SMTNL2: variants seen among roughly 807,000 people sequenced by gnomAD.
SMTNL2 encodes the protein smoothelin-like protein 2.
A neutral mutation model predicts 44.1 loss-of-function variants in SMTNL2; 43 were observed. The observed-to-expected ratio is 0.98, with a 90% CI of 0.76 to 1.26. SMTNL2 has a LOEUF of 1.26. Ranked by LOEUF, SMTNL2 falls within the 50% of genes most tolerant of loss-of-function variation. SMTNL2 has a pLI of 0.00. For missense variants in SMTNL2, 646 were observed against 670.2 expected, an observed-to-expected ratio of 0.96 and a Z score of 0.40; for synonymous variants, 317 against 287.6, an observed-to-expected ratio of 1.10 and a Z score of -1.03.
At chr17:4,588,209 C>T (rs900755400) in intron 1 of SMTNL2, among the ~76,000 whole-genome samples, 6 of 152,240 alleles carry the variant, frequency 3.9e-5, no homozygotes, top group Middle Eastern at 3.2e-3. Flanking sequence ...GCGTGGGTCT[C>T]GTCCCCATGG....
intron 7 of SMTNL2, among the ~76,000 whole-genome samples, chr17:4,606,373 C>T (rs1264103538): frequency 3.3e-5 from 5 of 151,740 alleles, no homozygotes; most frequent in African/African-American, 9.7e-5. Context: ...CCGCCTGCCT[C>T]GGCCTCCCAA....
In SMTNL2 at chr17:4,597,081, C is replaced by T. The variant is rs1263770578; in HGVS notation, c.1108-91C>T. ...CCGCCTGGGCAGGAGCCCGCTGAGG[C>T]TGGGGTTAAGGGGTAGGAACCACGG... On this transcript the variant is annotated intron_variant, in intron 6 of 7. Transcript: ENST00000389313. The T allele has an allele frequency of 7.8e-6, 12 of 1,529,374 alleles. No homozygotes were observed. In the East Asian group the frequency reaches 2.3e-4, roughly 30 times the overall value. The allele number at this position is 1,529,374 out of a possible 1,614,324, so 94.7% of individuals were successfully genotyped here.
At chr17:4,587,535 T>C (rs975178066) in intron 1 of SMTNL2, among the ~76,000 whole-genome samples, 1 of 152,092 alleles carries the variant, frequency 6.6e-6, no homozygotes. Context: ...ACCATGGACA[T>C]AGAGTCACAG....
intron 7 of SMTNL2, among the ~76,000 whole-genome samples, chr17:4,601,161 C>T (rs192730480): frequency 1.3e-5 from 2 of 152,338 alleles, no homozygotes; most frequent in African/African-American, 4.8e-5. Context: ...GCGATCCAAT[C>T]CCAGGACTTT....
chr17:4,596,755 G>C (rs1053157034), intron 5 of SMTNL2, 105 bp from the exon 6 acceptor site: 1 of 1,032,918 alleles, frequency 9.7e-7, no homozygotes, highest in Non-Finnish European at 1.3e-6. Flanking sequence ...GAGCAGGTGG[G>C]AGCACCCTCC....
chr17:4,602,132 T>TA (rs1449802665), intron 7 of SMTNL2, among the ~76,000 whole-genome samples: 4 of 152,032 alleles, frequency 2.6e-5, no homozygotes, highest in Non-Finnish European at 4.4e-5. Flanking sequence ...ATCCCAAATT[T>TA]AAAAAATCCA....
intron 7 of SMTNL2, among the ~76,000 whole-genome samples, chr17:4,602,338 T>C (rs1304078693): frequency 2.6e-5 from 3 of 113,880 alleles, no homozygotes; most frequent in Admixed American, 2.6e-4. Context: ...TTTTTTTTTT[T>C]TGAGATGGAG....
chr17:4,587,790 C>T (rs1909403590), intron 1 of SMTNL2, among the ~76,000 whole-genome samples: 1 of 152,234 alleles, frequency 6.6e-6, no homozygotes, highest in Non-Finnish European at 1.5e-5. Flanking sequence ...CCCCTGAACT[C>T]AATACAGGAA....
intron 1 of SMTNL2, among the ~76,000 whole-genome samples, chr17:4,587,499 G>A (rs1288668673): frequency 6.6e-6 from 1 of 152,176 alleles, no homozygotes; most frequent in Non-Finnish European, 1.5e-5. Context: ...CAAGGAGCCG[G>A]GGCTCAGGGT....
chr17:4,586,395 T>C (rs1353237799), intron 1 of SMTNL2, among the ~76,000 whole-genome samples: 1 of 152,156 alleles, frequency 6.6e-6, no homozygotes, highest in Non-Finnish European at 1.5e-5. Flanking sequence ...TCATCGGTTG[T>C]TTCTGAGGTT....
chr17:4,606,759 A>C (rs1179832666), intron 7 of SMTNL2, among the ~76,000 whole-genome samples: 1 of 151,936 alleles, frequency 6.6e-6, no homozygotes, highest in African/African-American at 2.4e-5. Context: ...ACAAAAAAAA[A>C]ATTAGCCAGG....
intron 1 of SMTNL2, among the ~76,000 whole-genome samples, chr17:4,591,032 T>C (rs1487941305): frequency 6.6e-6 from 1 of 152,202 alleles, no homozygotes; most frequent in Non-Finnish European, 1.5e-5. Flanking sequence ...GTGCCCTCCC[T>C]TGCTCCTCCA....
At chr17:4,585,025 G>A in intron 1 of SMTNL2, 21 bp downstream of exon 1, 1 of 1,307,156 alleles carries the variant, frequency 7.7e-7, no homozygotes, top group Non-Finnish European at 9.7e-7. Context: ...GGGAGCGCGT[G>A]CGCTGGCGCC....
At chr17:4,587,144 T>C (rs7214880) in intron 1 of SMTNL2, among the ~76,000 whole-genome samples, 144,727 of 152,250 alleles carry the variant, frequency 0.95, 69,026 homozygotes, top group East Asian at 1. Context: ...CTGGGGTCAG[T>C]GAAGATGCGT....
chr17:4,585,350 G>A (rs552246534), intron 1 of SMTNL2, among the ~76,000 whole-genome samples: 33 of 152,358 alleles, frequency 2.2e-4, no homozygotes, highest in African/African-American at 7.5e-4. Flanking sequence ...AGCCACGCGG[G>A]GCATGTTGGA....
At chr17:4,591,878 C>A (rs548602780) in intron 1 of SMTNL2, among the ~76,000 whole-genome samples, 1 of 152,216 alleles carries the variant, frequency 6.6e-6, no homozygotes, top group Admixed American at 6.5e-5. Flanking sequence ...CTTGTGTCCC[C>A]GCCTCCCATG....
Position 4,595,258 on chromosome 17 carries a change from C to T in SMTNL2, c.920C>T (p.Pro307Leu), listed in dbSNP as rs1380943274. The change falls in exon 5 of 8, where the codon CCC becomes CTC. Residue 307 changes from proline (P) to leucine (L), a missense_variant. By Grantham distance (98) the Pro-to-Leu change is moderately conservative. Transcript: ENST00000389313. This position sits in a 1 kb window ranked among gnomAD's most constrained non-coding sequence, Gnocchi z 5.1. ...RRELVRSQTL[P>L]RTSEAQARKA... The stretch of plus-strand genomic sequence containing the variant: ...GAGCTGGTGAGGTCGCAGACGCTGC[C>T]CCGCACCTCGGAGGCGCAGGCCCGG... 4 of 1,613,132 alleles carry T rather than the reference C, an allele frequency of 2.5e-6. No homozygotes were observed. The Admixed American group carries it at 6.7e-5, about 27-fold the overall frequency.
rs926835482 is a variant in SMTNL2 at position 4,597,338 on chromosome 17, T to G, written c.1259+15T>G. 6.2e-7 allele frequency: 1 copy of G among 1,612,240 alleles called. No homozygotes were observed. The highest frequency in any genetic ancestry group is 1.3e-5 in the African/African-American group (1 of 74,882). On this transcript the variant is annotated intron_variant, in intron 7 of 7. Transcript: ENST00000389313. ...ACCATGGCCGAGTGAGTATGGTGGCTCCTGCTGGCTACCAGCCCCAGCCCA... is the reference window on the plus strand; with the variant it reads ...ACCATGGCCGAGTGAGTATGGTGGCGCCTGCTGGCTACCAGCCCCAGCCCA...
chr17:4,595,020 C>T lies in SMTNL2; in HGVS notation c.807-125C>T. The T allele has an allele frequency of 1.5e-6, 2 of 1,314,874 alleles. No individual in the cohort carries two copies. The highest frequency in any genetic ancestry group is 1.3e-5 in the South Asian group (1 of 79,004). 81.5% of individuals were successfully genotyped at this position (1,314,874 alleles called of 1,614,324 possible). On this transcript the variant is annotated intron_variant, in intron 4 of 7. Coordinates refer to ENST00000389313, the MANE Select transcript of SMTNL2 (RefSeq NM_001114974.2). This position sits in a 1 kb window ranked among gnomAD's most constrained non-coding sequence, Gnocchi z 5.1. ...GCTAGGGACCGGAGCAAGGGGGCCT[C>T]TTCTCTGAGCGCCCATCACGGTGCA...
Sources: allele counts gnomAD v4.1 joint callset (sites outside exome capture counted in the v4.1 genomes callset), GRCh38; gene constraint gnomAD v4.1.1; non-coding constraint Gnocchi (gnomAD v3.1); transcripts MANE v1.5; gene names NCBI Gene and HGNC (gene_info 2026-07-23, HGNC 2026-07-21).